Variants in CEP126 observed in about 807,000 individuals in gnomAD.
CEP126 encodes centrosomal protein 126.
A neutral mutation model predicts 107.8 loss-of-function variants in CEP126; 74 were observed. The observed-to-expected ratio is 0.69, with a 90% confidence interval of 0.57 to 0.83. The LOEUF is 0.83. Ranked by LOEUF, CEP126 falls within the 40% of genes least tolerant of loss-of-function variation. The pLI is 0.00. For missense variants in CEP126, 1,237 were observed against 1,281.9 expected (o/e 0.96, Z 0.53); for synonymous variants, 449 against 446.0 (o/e 1.01, Z -0.08).
At chr11:101,986,361 T>A (rs1941316603) in intron 8 of CEP126, among the ~76,000 whole-genome samples, 1 of 152,216 alleles carries the variant, frequency 6.6e-6, no homozygotes, top group South Asian at 2.1e-4. Flanking sequence ...GCTTCTTTGA[T>A]CACATGTTCT....
At chr11:101,968,157 T>C (rs904027910) in intron 6 of CEP126, among the ~76,000 whole-genome samples, 1 of 152,158 alleles carries the variant, frequency 6.6e-6, no homozygotes. Flanking sequence ...ACTATGAGAC[T>C]TTTTTAGCGG....
chr11:101,976,234 C>G (rs1405198640), intron 6 of CEP126, among the ~76,000 whole-genome samples: 1 of 152,192 alleles, frequency 6.6e-6, no homozygotes, highest in Non-Finnish European at 1.5e-5. Context: ...TACAACCTCA[C>G]CAGCATGTTA....
At chr11:101,961,127 T>C (rs1195231720) in intron 5 of CEP126, among the ~76,000 whole-genome samples, 1 of 152,048 alleles carries the variant, frequency 6.6e-6, no homozygotes, top group Admixed American at 6.6e-5. Flanking sequence ...GAAAATTACC[T>C]GGGGAATTTA....
intron 8 of CEP126, 46 bp downstream of exon 8, chr11:101,982,010 A>T (rs576950109): frequency 1.8e-6 from 2 of 1,094,540 alleles, no homozygotes; most frequent in African/African-American, 3.2e-5. Context: ...GTTCCCAGTG[A>T]TTTTTTTTCT....
At chr11:101,967,025 C>CTTTCT (rs1555056607) in intron 6 of CEP126, among the ~76,000 whole-genome samples, 263 of 107,082 alleles carry the variant, frequency 2.5e-3, no homozygotes, top group African/African-American at 9.0e-3. Flanking sequence ...CTCTTTCTTT[C>CTTTCT]TTTTTTTTTT....
chr11:101,947,253 A>G (rs1282043839), intron 3 of CEP126, among the ~76,000 whole-genome samples: 1 of 152,206 alleles, frequency 6.6e-6, no homozygotes. Context: ...CCCTATTTCT[A>G]GGCCTTGAGT....
intron 1 of CEP126, among the ~76,000 whole-genome samples, chr11:101,917,591 A>T (rs975198777): frequency 1.3e-5 from 2 of 148,884 alleles, no homozygotes; most frequent in Non-Finnish European, 3.0e-5. Flanking sequence ...GAGTTCAAAT[A>T]GAAATGGAAT....
intron 2 of CEP126, among the ~76,000 whole-genome samples, chr11:101,934,554 G>A (rs1218068679): frequency 6.6e-6 from 1 of 151,806 alleles, no homozygotes; most frequent in Non-Finnish European, 1.5e-5. Flanking sequence ...TGTTCAAACT[G>A]AGCTTCACAC....
At chr11:101,925,262 C>T (rs368457041) in intron 2 of CEP126, among the ~76,000 whole-genome samples, 50 of 152,092 alleles carry the variant, frequency 3.3e-4, no homozygotes, top group African/African-American at 1.2e-3. Flanking sequence ...CTTTGTAGAC[C>T]AAGGAATTTT....
intron 2 of CEP126, among the ~76,000 whole-genome samples, chr11:101,942,097 T>C (rs1940673251): frequency 6.6e-6 from 1 of 152,154 alleles, no homozygotes; most frequent in East Asian, 1.9e-4. Flanking sequence ...TTTTACTGTG[T>C]TGATGGTGTC....
chr11:101,942,428 T>C (rs776453812), intron 2 of CEP126, among the ~76,000 whole-genome samples: 2 of 152,076 alleles, frequency 1.3e-5, no homozygotes, highest in African/African-American at 2.4e-5. Flanking sequence ...ATTGGCCATA[T>C]AGAAGAGGGT....
chr11:101,980,819 G>A (rs145525392), intron 7 of CEP126, among the ~76,000 whole-genome samples: 17 of 152,270 alleles, frequency 1.1e-4, no homozygotes, highest in Admixed American at 1.3e-4. Context: ...CACTTTGCAC[G>A]AGGGTTTCAG....
chr11:101,955,691 C>T (rs1409425084), intron 4 of CEP126: 1 of 358,548 alleles, frequency 2.8e-6, no homozygotes, highest in African/African-American at 2.1e-5. Flanking sequence ...AAGAAAATAA[C>T]ATGAATCAAA....
At chr11:101,988,678 T>C (rs1206578865) in intron 9 of CEP126, among the ~76,000 whole-genome samples, 3 of 152,072 alleles carry the variant, frequency 2.0e-5, no homozygotes, top group Non-Finnish European at 4.4e-5. Flanking sequence ...TCAAATTTAA[T>C]ACCTTCTTAA....
At chr11:101,915,616 C>G (rs1294919136) in intron 1 of CEP126, among the ~76,000 whole-genome samples, 1 of 152,184 alleles carries the variant, frequency 6.6e-6, no homozygotes, top group African/African-American at 2.4e-5. Context: ...TGCTTCCCCC[C>G]ATCACCCTGT....
chr11:101,950,974 G>A (rs1940804443), intron 4 of CEP126, among the ~76,000 whole-genome samples: 2 of 152,118 alleles, frequency 1.3e-5, no homozygotes, highest in South Asian at 4.1e-4. Context: ...GAGAGAAATT[G>A]GAGGCAAGGA....
chr11:101,939,213 T>A (rs1940633400), intron 2 of CEP126, among the ~76,000 whole-genome samples: 2 of 152,210 alleles, frequency 1.3e-5, no homozygotes, highest in Non-Finnish European at 2.9e-5. Flanking sequence ...TGTCCATTTC[T>A]ATCTTTAGTT....
intron 2 of CEP126, among the ~76,000 whole-genome samples, chr11:101,935,746 A>G (rs950094002): frequency 3.3e-5 from 5 of 152,102 alleles, no homozygotes; most frequent in African/African-American, 1.2e-4. Flanking sequence ...CAGCAGTACT[A>G]TTGACATTGT....
chr11:101,953,715 T>G (rs1940844108), intron 4 of CEP126, among the ~76,000 whole-genome samples: 2 of 152,120 alleles, frequency 1.3e-5, no homozygotes. Flanking sequence ...AGTAGTACAT[T>G]GAAGTGATAG....
Sources: allele counts gnomAD v4.1 joint callset (sites outside exome capture counted in the v4.1 genomes callset), GRCh38; gene constraint gnomAD v4.1.1; transcripts MANE v1.5; gene names NCBI Gene and HGNC (gene_info 2026-07-23, HGNC 2026-07-21).